Variants in ZNF385B observed in about 807,000 individuals in gnomAD.
ZNF385B encodes zinc finger protein 385B.
In ZNF385B, 23 loss-of-function variants were observed where a neutral mutation model predicts 39.2. That is an observed-to-expected ratio of 0.59 (90% confidence interval 0.42 to 0.83). ZNF385B has a LOEUF of 0.83. Among genes scored for constraint, ZNF385B ranks in the 40% least tolerant of loss-of-function variants. The pLI, the probability that ZNF385B is intolerant of heterozygous loss-of-function variation, is 0.00. For synonymous variants in ZNF385B, 205 were observed against 222.6 expected (o/e 0.92, Z 0.70); for missense variants, 552 against 598.9 (o/e 0.92, Z 0.82).
rs547033624 is a variant in ZNF385B at position 179,791,072 on chromosome 2, T to C, written c.-154-20400A>G. On this transcript the variant is annotated intron_variant, in intron 1 of 9. Coordinates refer to ENST00000410066, the MANE Select transcript of ZNF385B (RefSeq NM_152520.6). ...TATTCCTTCTCATCTCACTTGGTGA[T>C]TGAGTGGGAGGCAGCAGGCAATATT... 9.9e-5 allele frequency among the ~76,000 whole-genome samples: 15 copies of C among 152,258 alleles called. No individual in the cohort carries two copies. The East Asian group carries it at 2.5e-3, about 25-fold the overall frequency.
intron 1 of ZNF385B, among the ~76,000 whole-genome samples, chr2:179,783,887 G>A (rs923083394): frequency 6.6e-6 from 1 of 152,144 alleles, no homozygotes; most frequent in African/African-American, 2.4e-5. Flanking sequence ...GGGTAAATTA[G>A]TTCAACCATT....
chr2:179,730,216 C>T (rs188113108), intron 3 of ZNF385B, among the ~76,000 whole-genome samples: 205 of 152,302 alleles, frequency 1.3e-3, no homozygotes, highest in African/African-American at 4.9e-3. Context: ...TGCCCGGGTC[C>T]TGGCTTAATC....
At chr2:179,507,772 G>A (rs1356947312) in intron 5 of ZNF385B, among the ~76,000 whole-genome samples, 1 of 152,108 alleles carries the variant, frequency 6.6e-6, no homozygotes, top group African/African-American at 2.4e-5. Flanking sequence ...ACCAGCTACA[G>A]TATTTTGCCA....
chr2:179,621,667 G>C (rs1337844103), intron 3 of ZNF385B, among the ~76,000 whole-genome samples: 1 of 152,118 alleles, frequency 6.6e-6, no homozygotes, highest in East Asian at 1.9e-4. Flanking sequence ...TGTTACAGCA[G>C]GTCTAGGTGA....
At chr2:179,775,235 C>G (rs1399142364) in intron 1 of ZNF385B, among the ~76,000 whole-genome samples, 1 of 152,068 alleles carries the variant, frequency 6.6e-6, no homozygotes, top group African/African-American at 2.4e-5. Flanking sequence ...TATATTTGAT[C>G]CAATTCAACT....
chr2:179,466,950 A>G (rs1574285415), intron 6 of ZNF385B, among the ~76,000 whole-genome samples: 4 of 127,388 alleles, frequency 3.1e-5, no homozygotes, highest in Non-Finnish European at 5.0e-5. Context: ...AAAAAGAGAG[A>G]GAGAAAGGGA....
chr2:179,688,085 C>A (rs1698062994), intron 3 of ZNF385B, among the ~76,000 whole-genome samples: 1 of 152,148 alleles, frequency 6.6e-6, no homozygotes, highest in Admixed American at 6.5e-5. Context: ...TGTCCCTTTT[C>A]TACCCTCAAG....
intron 5 of ZNF385B, among the ~76,000 whole-genome samples, chr2:179,507,840 CT>C (rs773281085): frequency 1.3e-5 from 2 of 152,256 alleles, no homozygotes; most frequent in Non-Finnish European, 2.9e-5. Context: ...TCCTCATATG[CT>C]GTCTCCACCT....
At position 179,652,274 on chromosome 2, in the gene ZNF385B, C is replaced by T. The variant is rs146399465; in HGVS notation, c.299-107305G>A. ...TGGTTCTAAAGTATAGGCTATAGGACGAATAAAAAGTATACATCCAATGAT... is the reference window on the plus strand; with the variant it reads ...TGGTTCTAAAGTATAGGCTATAGGATGAATAAAAAGTATACATCCAATGAT... On this transcript the variant is annotated intron_variant, in intron 3 of 9. Coordinates refer to ENST00000410066, the MANE Select transcript of ZNF385B (RefSeq NM_152520.6). Among the ~76,000 whole-genome samples, 12 of 152,160 alleles carry T rather than the reference C, an allele frequency of 7.9e-5. No homozygotes were observed. In the East Asian group the frequency reaches 1.2e-3, roughly 15 times the overall value.
At chr2:179,583,857 C>A in intron 3 of ZNF385B, 1 of 1,273,668 alleles carries the variant, frequency 7.9e-7, no homozygotes, top group Non-Finnish European at 1.0e-6. Flanking sequence ...GGAGTGAAAC[C>A]TCAGATCTTA....
intron 3 of ZNF385B, among the ~76,000 whole-genome samples, chr2:179,693,486 G>A (rs1698503571): frequency 6.6e-6 from 1 of 152,112 alleles, no homozygotes; most frequent in South Asian, 2.1e-4. Flanking sequence ...ATATAAAAAT[G>A]GAGAGAATAA....
At chr2:179,740,609 C>T (rs1026045112) in intron 3 of ZNF385B, among the ~76,000 whole-genome samples, 47 of 152,260 alleles carry the variant, frequency 3.1e-4, no homozygotes, top group African/African-American at 1.1e-3. Context: ...TATGGATTCA[C>T]ATTGGTATTT....
chr2:179,735,335 C>T (rs1465694749), intron 3 of ZNF385B, among the ~76,000 whole-genome samples: 4 of 147,554 alleles, frequency 2.7e-5, no homozygotes, highest in Non-Finnish European at 4.5e-5. Context: ...CTATGAGATA[C>T]CATCTCACAC....
intron 4 of ZNF385B, among the ~76,000 whole-genome samples, chr2:179,538,032 T>C (rs1479986726): frequency 6.6e-6 from 1 of 152,086 alleles, no homozygotes; most frequent in Non-Finnish European, 1.5e-5. Context: ...TTAGAAAACA[T>C]AGAACAAGAT....
chr2:179,625,805 C>T (rs1226529549), intron 3 of ZNF385B, among the ~76,000 whole-genome samples: 1 of 152,038 alleles, frequency 6.6e-6, no homozygotes, highest in Non-Finnish European at 1.5e-5. Context: ...AATGGATGGA[C>T]AGGTCATGTA....
At chr2:179,851,065 GT>G (rs1264335286) in intron 1 of ZNF385B, among the ~76,000 whole-genome samples, 3 of 152,160 alleles carry the variant, frequency 2.0e-5, no homozygotes, top group Non-Finnish European at 4.4e-5. Flanking sequence ...AATTTGGTTG[GT>G]TTTATCATTT....
intron 1 of ZNF385B, among the ~76,000 whole-genome samples, chr2:179,830,737 G>A (rs886779713): frequency 2.0e-5 from 3 of 152,164 alleles, no homozygotes; most frequent in African/African-American, 4.8e-5. Context: ...TGGAACATGG[G>A]AATTTTGGGG....
At chr2:179,782,628 CAA>C (rs1704739916) in intron 1 of ZNF385B, among the ~76,000 whole-genome samples, 1 of 152,124 alleles carries the variant, frequency 6.6e-6, no homozygotes, top group African/African-American at 2.4e-5. Context: ...ACAACTTCAG[CAA>C]AGTTTCAGGA....
intron 3 of ZNF385B, among the ~76,000 whole-genome samples, chr2:179,661,316 C>A (rs1694443059): frequency 1.3e-5 from 2 of 152,196 alleles, no homozygotes; most frequent in South Asian, 4.2e-4. Flanking sequence ...AAATTCAGGC[C>A]TCTTGCATAT....
Sources: gnomAD v4.1 joint callset for allele counts (sites outside exome capture counted in the v4.1 genomes callset) on GRCh38, gnomAD v4.1.1 for gene constraint, MANE v1.5 for transcripts, NCBI Gene and HGNC (gene_info 2026-07-23, HGNC 2026-07-21) for gene names.